Variants in AGO3 observed in about 807,000 individuals in gnomAD.
AGO3 encodes the protein argonaute RISC catalytic component 3, also known as protein argonaute-3.
Under a neutral mutation model 105.5 loss-of-function variants are expected in AGO3, and 16 were observed. That is an observed-to-expected ratio of 0.15 (90% CI 0.10 to 0.23). The LOEUF (loss-of-function observed/expected upper bound fraction) is 0.23, where lower values mean the gene tolerates loss of function less well. Ranked by LOEUF, AGO3 falls within the 10% of genes least tolerant of loss-of-function variation. AGO3 has a pLI of 1.00. For synonymous variants in AGO3, 340 were observed against 367.3 expected, an observed-to-expected ratio of 0.93 and a Z score of 0.85; for missense variants, 534 against 1,088.0, an observed-to-expected ratio of 0.49 and a Z score of 7.16.
At chr1:35,965,439 G>A (rs1188293808) in intron 2 of AGO3, among the ~76,000 whole-genome samples, 2 of 145,964 alleles carry the variant, frequency 1.4e-5, no homozygotes, top group South Asian at 2.2e-4. Context: ...GCAGTGAGCC[G>A]AGATCGCACC....
chr1:36,017,728 C>G (rs1464578425), intron 11 of AGO3, among the ~76,000 whole-genome samples: 1 of 151,974 alleles, frequency 6.6e-6, no homozygotes, highest in Non-Finnish European at 1.5e-5. Flanking sequence ...CATGGCAAAA[C>G]CCTGTCTCTA....
chr1:35,959,622 A>G (rs929046078), intron 2 of AGO3, among the ~76,000 whole-genome samples: 2 of 152,148 alleles, frequency 1.3e-5, no homozygotes, highest in Non-Finnish European at 2.9e-5. Flanking sequence ...GTTTAACAAT[A>G]TACACTTAAA....
At chr1:35,980,505 C>T (rs1451608745) in intron 5 of AGO3, among the ~76,000 whole-genome samples, 3 of 152,132 alleles carry the variant, frequency 2.0e-5, no homozygotes, top group Non-Finnish European at 2.9e-5. Flanking sequence ...TTTTTCTGGT[C>T]ATTTGTTGGT....
At position 36,003,709 on chromosome 1, in the gene AGO3, A is replaced by AAAT. The variant is rs1295618675; in HGVS notation, c.659-631_659-630insATA. On this transcript the variant is annotated intron_variant, in intron 5 of 18. Transcript: ENST00000373191. ...AAGTCTGTCTCAAAAAAAAAAAAAAAATATATATATATATATATATATATA... is the reference window on the plus strand; with the variant it reads ...AAGTCTGTCTCAAAAAAAAAAAAAAAAATATATATATATATATATATATATATA... 5.0e-3 allele frequency among the ~76,000 whole-genome samples: 492 copies of AAAT among 99,392 alleles called. 2 individuals carry two copies. The highest frequency in any genetic ancestry group is 7.4e-3 in the African/African-American group (184 of 24,740). The allele number at this position is 99,392 out of a possible 152,430, so 65.2% of individuals were successfully genotyped here. A position where few individuals can be genotyped will look rare whatever the true frequency, so the allele number is the denominator to read the frequency against.
rs1359272566 is a variant in AGO3 at position 36,070,616 on chromosome 1, T to G, written c.*14871T>G. 6.6e-6 allele frequency: 1 copy of G among 152,196 alleles called. No individual in the cohort carries two copies. The highest frequency in any genetic ancestry group is 6.5e-5 in the Admixed American group (1 of 15,278). The allele number at this position is 152,196 out of a possible 1,614,324, so 9.4% of individuals were successfully genotyped here. A position where few individuals can be genotyped will look rare whatever the true frequency, so the allele number is the denominator to read the frequency against. ...GACGCATTCAACATTTACTTTTATC[T>G]CCACAGATGCCAACCTCCCCTTGTT... On this transcript the variant is annotated 3_prime_UTR_variant, in exon 19 of 19. Transcript: ENST00000373191.
At chr1:35,933,605 A>G (rs1646094623) in intron 1 of AGO3, among the ~76,000 whole-genome samples, 1 of 144,598 alleles carries the variant, frequency 6.9e-6, no homozygotes, top group Admixed American at 7.6e-5. Context: ...TCGCGCCACT[A>G]ACTCCAGCCT....
chr1:35,957,890 A>T (rs1444373637), intron 2 of AGO3, among the ~76,000 whole-genome samples: 1 of 150,348 alleles, frequency 6.7e-6, no homozygotes, highest in African/African-American at 2.5e-5. Flanking sequence ...ACATAGGGAG[A>T]CCCCTTCTGT....
intron 1 of AGO3, among the ~76,000 whole-genome samples, chr1:35,940,119 T>TCAG (rs1646227071): frequency 6.6e-6 from 1 of 151,972 alleles, no homozygotes; most frequent in East Asian, 1.9e-4. Flanking sequence ...CAGGCTGGAG[T>TCAG]TCAGTGGCAT....
rs1643121331 is a variant in AGO3, at chr1:36,068,425, G to C, written c.*12680G>C. On this transcript the variant is annotated 3_prime_UTR_variant, in exon 19 of 19. Transcript: ENST00000373191. ...TGCACCTGTAGTCCGAACTTCTCAG[G>C]AGGATGAGGCAGGAGGATAGTTGAG... 6.6e-6 allele frequency: 1 copy of C among 152,166 alleles called. No homozygotes were observed. The highest frequency in any genetic ancestry group is 1.5e-5 in the Non-Finnish European group (1 of 68,030). The allele number at this position is 152,166 out of a possible 1,614,324, so 9.4% of individuals were successfully genotyped here. A position where few individuals can be genotyped will look rare whatever the true frequency, so the allele number is the denominator to read the frequency against.
At chr1:35,933,131 G>T (rs1646085188) in intron 1 of AGO3, among the ~76,000 whole-genome samples, 1 of 152,136 alleles carries the variant, frequency 6.6e-6, no homozygotes, top group Non-Finnish European at 1.5e-5. Context: ...GGGGAAGTGT[G>T]TAGTTAGATT....
In AGO3 at chr1:36,056,999, C is replaced by G. The variant is rs1201328634; in HGVS notation, c.*1254C>G. On this transcript the variant is annotated 3_prime_UTR_variant, in exon 19 of 19. Coordinates refer to ENST00000373191, the MANE Select transcript of AGO3 (RefSeq NM_024852.4). ...TTGTGATCCACCCGCCTCGACCTCC[C>G]AAAGTGCTGGGATTACAGGCATGAG... The G allele has an allele frequency of 1.3e-5, 2 of 152,228 alleles. No homozygotes were observed. The highest frequency in any genetic ancestry group is 1.3e-4 in the Admixed American group (2 of 15,270). 9.4% of individuals were successfully genotyped at this position (152,228 alleles called of 1,614,324 possible). A position where few individuals can be genotyped will look rare whatever the true frequency, so the allele number is the denominator to read the frequency against.
intron 17 of AGO3, among the ~76,000 whole-genome samples, chr1:36,049,559 C>T (rs551974784): frequency 2.4e-4 from 37 of 151,822 alleles, no homozygotes; most frequent in Non-Finnish European, 3.1e-4. Context: ...GTGCTAAGCT[C>T]ACCATCTGGG....
At chr1:35,974,520 A>G (rs922507058) in intron 5 of AGO3, among the ~76,000 whole-genome samples, 1 of 152,130 alleles carries the variant, frequency 6.6e-6, no homozygotes, top group Non-Finnish European at 1.5e-5. Flanking sequence ...GTTTCATTCC[A>G]TTCTGGTTCA....
At chr1:36,039,644 A>G (rs1399294393) in intron 14 of AGO3, 146 bp from the exon 15 acceptor site, 2 of 547,324 alleles carry the variant, frequency 3.7e-6, no homozygotes, top group African/African-American at 3.9e-5. Context: ...GTCATACCCA[A>G]CTCAGAATTA....
chr1:35,972,903 C>T (rs1475513093), intron 4 of AGO3, among the ~76,000 whole-genome samples: 2 of 135,868 alleles, frequency 1.5e-5, no homozygotes, highest in Non-Finnish European at 3.0e-5. Context: ...CCCTATGTTG[C>T]CCAGGCTGGT....
intron 1 of AGO3, among the ~76,000 whole-genome samples, chr1:35,936,875 T>G (rs1391944676): frequency 6.6e-6 from 1 of 152,120 alleles, no homozygotes; most frequent in Non-Finnish European, 1.5e-5. Flanking sequence ...CCCACCCATA[T>G]TTTTAGGTTT....
intron 11 of AGO3, among the ~76,000 whole-genome samples, chr1:36,025,790 C>T (rs1158131376): frequency 6.6e-6 from 1 of 152,126 alleles, no homozygotes; most frequent in Non-Finnish European, 1.5e-5. Context: ...GTAATCCCAG[C>T]ACTTTGGGAG....
At chr1:36,028,768 G>A (rs1641632528) in intron 12 of AGO3, among the ~76,000 whole-genome samples, 3 of 152,098 alleles carry the variant, frequency 2.0e-5, no homozygotes, top group African/African-American at 7.2e-5. Flanking sequence ...CCCAGTAATG[G>A]GATGGCTGGG....
chr1:35,940,206 A>G (rs1209046096), intron 1 of AGO3, among the ~76,000 whole-genome samples: 2 of 152,088 alleles, frequency 1.3e-5, no homozygotes, highest in African/African-American at 4.8e-5. Flanking sequence ...AGCTGGGATT[A>G]CAGGCATGCG....
Sources: gnomAD v4.1 joint callset for allele counts (sites outside exome capture counted in the v4.1 genomes callset) on GRCh38, gnomAD v4.1.1 for gene constraint, MANE v1.5 for transcripts, NCBI Gene and HGNC (gene_info 2026-07-23, HGNC 2026-07-21) for gene names.